Variants in MAP3K19 observed in about 807,000 individuals in gnomAD.
MAP3K19 encodes the protein mitogen-activated protein kinase kinase kinase 19, also known as SPS1/STE20-related protein kinase YSK4.
In MAP3K19, 91 loss-of-function variants were observed where a neutral mutation model predicts 114.4. The ratio of observed to expected loss-of-function variants is 0.80; its 90% CI spans 0.67 to 0.95. The LOEUF is 0.95. Ranked by LOEUF, MAP3K19 falls within the 40% of genes least tolerant of loss-of-function variation. The pLI is 0.00. For synonymous variants in MAP3K19, 518 were observed against 530.5 expected, an observed-to-expected ratio of 0.98 and a Z score of 0.32; for missense variants, 1,471 against 1,573.2, an observed-to-expected ratio of 0.94 and a Z score of 1.10.
At chr2:134,998,649 T>C in intron 8 of MAP3K19, 89 bp downstream of exon 8, 1 of 1,370,534 alleles carries the variant, frequency 7.3e-7, no homozygotes, top group Non-Finnish European at 9.8e-7. Flanking sequence ...TTCACTGCTT[T>C]ATCTCTAGCA....
At chr2:135,038,445 G>A (rs1688579009) in intron 2 of MAP3K19, among the ~76,000 whole-genome samples, 1 of 151,956 alleles carries the variant, frequency 6.6e-6, no homozygotes, top group Admixed American at 6.6e-5. Context: ...CCATGTTCCT[G>A]CATAACTTGC....
rs563873205 is a variant in MAP3K19 at position 135,002,751 on chromosome 2, G to A, written c.235+2684C>T. Among the ~76,000 whole-genome samples the A allele has an allele frequency of 8.5e-5, 13 of 152,280 alleles. No individual in the cohort carries two copies. In the South Asian group the frequency reaches 2.7e-3, roughly 32 times the overall value. ...GTGTGCTGATGTGGGTACCAGCAGA[G>A]GGAGGGGGTTCTTACATTGATAGTG... On this transcript the variant is annotated intron_variant, in intron 6 of 12. Coordinates refer to ENST00000392915, the MANE Select transcript of MAP3K19 (RefSeq NM_025052.5).
rs1263846798 is a variant in MAP3K19, at chr2:134,981,414, C to T, written c.3327G>A (p.Gln1109=). ...GTGCTTTGAGCAAATCTACTTCTTCCTGTAGTTTCCGGTATTCCTTTTCAG... is the reference window on the plus strand; with the variant it reads ...GTGCTTTGAGCAAATCTACTTCTTCTTGTAGTTTCCGGTATTCCTTTTCAG... ...LAAEKEYRKL[Q]EEVDLLKALK... is the part of the protein sequence containing the mutation. Residue 1109 remains glutamine, a synonymous_variant, in exon 12 of 13, where the codon CAG becomes CAA. Transcript: ENST00000392915. The T allele has an allele frequency of 6.2e-7, 1 of 1,614,236 alleles. No individual in the cohort carries two copies. The highest frequency in any genetic ancestry group is 8.5e-7 in the Non-Finnish European group (1 of 1,180,034).
intron 11 of MAP3K19, among the ~76,000 whole-genome samples, chr2:134,982,135 G>GTTT (rs1684719763): frequency 4.1e-5 from 1 of 24,406 alleles, no homozygotes; most frequent in African/African-American, 1.7e-4. Context: ...TTTTTTTTTT[G>GTTT]GAGACAGAGT....
At chr2:135,017,322 C>G (rs1482664564) in intron 5 of MAP3K19, among the ~76,000 whole-genome samples, 1 of 152,152 alleles carries the variant, frequency 6.6e-6, no homozygotes, top group East Asian at 1.9e-4. Flanking sequence ...AAAGAATCTT[C>G]CAGTCTTTTG....
At chr2:135,019,002 T>C (rs891008163) in intron 5 of MAP3K19, among the ~76,000 whole-genome samples, 2 of 151,836 alleles carry the variant, frequency 1.3e-5, no homozygotes, top group African/African-American at 4.8e-5. Context: ...GGAAAATTGC[T>C]TGGGAGGCAG....
rs534484759 is a variant in MAP3K19 at position 135,020,308 on chromosome 2, C to T, written c.138+1407G>A. 1.6e-4 allele frequency among the ~76,000 whole-genome samples: 24 copies of T among 152,222 alleles called. No individual in the cohort carries two copies. The Middle Eastern group carries it at 0.014, about 87-fold the overall frequency. On this transcript the variant is annotated intron_variant, in intron 5 of 12. Coordinates refer to ENST00000392915, the MANE Select transcript of MAP3K19 (RefSeq NM_025052.5). ...TGCTGGGATTACTGGCGTGAGCCAC[C>T]GTGCCTGTCTCTTTCTTTTTTAAAA... is the stretch of plus-strand genomic sequence containing the variant.
intron 12 of MAP3K19, among the ~76,000 whole-genome samples, chr2:134,970,446 G>A (rs749182621): frequency 8.6e-5 from 13 of 151,942 alleles, no homozygotes; most frequent in Admixed American, 2.0e-4. Flanking sequence ...ACAAATTTTC[G>A]TATGTTAATT....
At chr2:135,032,356 G>GAAAA (rs760579264) in intron 2 of MAP3K19, among the ~76,000 whole-genome samples, 1 of 72,214 alleles carries the variant, frequency 1.4e-5, no homozygotes, top group African/African-American at 6.5e-5. Flanking sequence ...GACTCTGTCT[G>GAAAA]AAAAAAAAAA....
chr2:134,981,336 A>T lies in MAP3K19; in HGVS notation c.3405T>A (p.Thr1135=). 6.2e-7 allele frequency: 1 copy of T among 1,614,234 alleles called. No individual in the cohort carries two copies. Among genetic ancestry groups the T allele is most frequent in the Non-Finnish European group, 8.5e-7 (1 of 1,180,046 alleles). Residue 1135 remains threonine (T), a synonymous_variant, in exon 12 of 13, where the codon ACT becomes ACA. Coordinates refer to ENST00000392915, the MANE Select transcript of MAP3K19 (RefSeq NM_025052.5). ...AYLGTCLQEN[T]VSIFMEFVPG... is the part of the protein sequence containing the mutation. ...GAACAAACTCCATGAAAATGCTCAC[A>T]GTGTTCTCTTGCAAGCATGTCCCCA...
intron 1 of MAP3K19, among the ~76,000 whole-genome samples, chr2:135,041,051 T>A (rs989701429): frequency 2.0e-5 from 3 of 152,076 alleles, no homozygotes; most frequent in African/African-American, 7.2e-5. Flanking sequence ...CTTGTTGGTT[T>A]TTTTTTTTAG....
chr2:135,025,372 C>CTTTTTTTTTTTTT (rs1054458367), intron 3 of MAP3K19, among the ~76,000 whole-genome samples: 1 of 70,136 alleles, frequency 1.4e-5, no homozygotes, highest in African/African-American at 7.1e-5. Flanking sequence ...ATGGCCTTTT[C>CTTTTTTTTTTTTT]TTTTCTTTTT....
intron 6 of MAP3K19, among the ~76,000 whole-genome samples, chr2:135,000,254 A>T (rs977481236): frequency 1.3e-5 from 2 of 152,238 alleles, no homozygotes; most frequent in African/African-American, 4.8e-5. Flanking sequence ...TGTAAAATAA[A>T]GTTTTATAAC....
intron 10 of MAP3K19, among the ~76,000 whole-genome samples, chr2:134,984,876 C>T (rs1210466966): frequency 1.3e-5 from 2 of 152,130 alleles, no homozygotes; most frequent in Non-Finnish European, 2.9e-5. Context: ...CGCTTTAACC[C>T]AGGAGGTGGA....
chr2:135,046,714 C>G (rs1688752760), intron 1 of MAP3K19, among the ~76,000 whole-genome samples: 1 of 152,054 alleles, frequency 6.6e-6, no homozygotes, highest in South Asian at 2.1e-4. Context: ...AAACCAAAAC[C>G]TTTTGTTATA....
chr2:135,027,119 C>T (rs1185229618), intron 3 of MAP3K19, among the ~76,000 whole-genome samples: 1 of 152,038 alleles, frequency 6.6e-6, no homozygotes, highest in Non-Finnish European at 1.5e-5. Context: ...GTGGTATGTG[C>T]CTGTAGTTCC....
Position 134,981,344 on chromosome 2 carries a change from C to T in MAP3K19, c.3397G>A (p.Glu1133Lys). Residue 1133 changes from glutamate (E) to lysine (K), a missense_variant, in exon 12 of 13, where the codon GAG (glutamate) becomes AAG (lysine). Physicochemically the swap from Glu to Lys is moderately conservative, Grantham distance 56. Coordinates refer to ENST00000392915, the MANE Select transcript of MAP3K19 (RefSeq NM_025052.5). The part of the protein sequence containing the change: ...IVAYLGTCLQ[E>K]NTVSIFMEFV... ...TCCATGAAAATGCTCACAGTGTTCTCTTGCAAGCATGTCCCCAAATAGGCC... is the reference window on the plus strand; with the variant it reads ...TCCATGAAAATGCTCACAGTGTTCTTTTGCAAGCATGTCCCCAAATAGGCC... 6.2e-7 allele frequency: 1 copy of T among 1,614,192 alleles called. No homozygotes were observed. The highest frequency in any genetic ancestry group is 8.5e-7 in the Non-Finnish European group (1 of 1,180,038).
At chr2:135,028,202 T>C (rs1330902985) in intron 3 of MAP3K19, among the ~76,000 whole-genome samples, 1 of 152,034 alleles carries the variant, frequency 6.6e-6, no homozygotes, top group East Asian at 1.9e-4. Flanking sequence ...CTTAGCAGAG[T>C]GTCTAACACA....
intron 1 of MAP3K19, among the ~76,000 whole-genome samples, chr2:135,041,737 G>A (rs562350201): frequency 6.6e-6 from 1 of 152,266 alleles, no homozygotes; most frequent in South Asian, 2.1e-4. Context: ...CTATTGATTC[G>A]ATGTGCAATT....
Sources: allele counts gnomAD v4.1 joint callset (sites outside exome capture counted in the v4.1 genomes callset), GRCh38; gene constraint gnomAD v4.1.1; transcripts MANE v1.5; gene names NCBI Gene and HGNC (gene_info 2026-07-23, HGNC 2026-07-21).